Variants in MUC3A observed in about 807,000 individuals in gnomAD.
MUC3A encodes the protein mucin 3A, cell surface associated, also known as mucin-3A.
MUC3A carries 109 observed loss-of-function variants against 109.0 expected under a neutral mutation model. That is an observed-to-expected ratio of 1.00 (90% CI 0.86 to 1.17). MUC3A has a LOEUF of 1.17. MUC3A is among the 50% of genes most tolerant of loss of function. The probability of loss-of-function intolerance (pLI) is 0.00; values close to 1 mark genes in which losing one functional copy is unlikely to be tolerated. For synonymous variants in MUC3A, 1,398 were observed against 981.4 expected (o/e 1.42, Z -7.93); for missense variants, 3,537 against 2,469.4 (o/e 1.43, Z -9.16).
Position 100,954,379 on chromosome 7 carries a change from A to G in MUC3A, c.2600A>G (p.Gln867Arg). Residue 867 changes from glutamine to arginine, a missense_variant, in exon 2 of 12, where the codon CAG becomes CGG. By Grantham distance (43) the Gln-to-Arg change is conservative. Transcript: ENST00000379458. ...GTCATTCCCTCATCTCCCACTGTCC[A>G]GAATACAGAAATCTCAATCTCTGTT... The part of the protein sequence containing the change: ...TTVIPSSPTV[Q>R]NTEISISVSM... 2.5e-6 allele frequency: 1 copy of G among 402,090 alleles called. No homozygotes were observed. Among genetic ancestry groups the G allele is most frequent in the Non-Finnish European group, 4.4e-6 (1 of 228,622 alleles). 24.9% of individuals were successfully genotyped at this position (402,090 alleles called of 1,614,324 possible).
chr7:100,965,517 A>AG, intron 7 of MUC3A, 170 bp downstream of exon 7: 12 of 1,412,652 alleles, frequency 8.5e-6, no homozygotes, highest in Non-Finnish European at 1.1e-5. Context: ...TGAGGACAGC[A>AG]GGGGCCACGA....
rs1792142891 is a variant in MUC3A, at chr7:100,957,831, A to G, written c.6052A>G (p.Thr2018Ala). ...SFTSSITTTE[T>A]TSHNTPSLTS... ...CACTTCTTCCATCACCACCACTGAG[A>G]CCACATCCCACAATACTCCCAGCTT... Residue 2018 changes from threonine to alanine, a missense_variant, in exon 2 of 12, where the codon ACC becomes GCC. Physicochemically the swap from Thr to Ala is moderately conservative, Grantham distance 58. Coordinates refer to ENST00000379458, the MANE Select transcript of MUC3A (RefSeq NM_005960.2). The G allele has an allele frequency of 1.3e-6, 1 of 794,156 alleles. No individual in the cohort carries two copies. Among genetic ancestry groups the G allele is most frequent in the Non-Finnish European group, 2.2e-6 (1 of 462,412 alleles). The allele number at this position is 794,156 out of a possible 1,614,324, so 49.2% of individuals were successfully genotyped here.
chr7:100,956,982 A>G lies in MUC3A; in HGVS notation c.5203A>G (p.Thr1735Ala). 2.3e-6 allele frequency: 1 copy of G among 433,890 alleles called. No homozygotes were observed. Among genetic ancestry groups the G allele is most frequent in the Non-Finnish European group, 4.0e-6 (1 of 247,828 alleles). 26.9% of individuals were successfully genotyped at this position (433,890 alleles called of 1,614,324 possible). A position where few individuals can be genotyped will look rare whatever the true frequency, so the allele number is the denominator to read the frequency against. Residue 1735 changes from threonine to alanine, a missense_variant, in exon 2 of 12, where the codon ACA becomes GCA. By Grantham distance (58) the Thr-to-Ala change is moderately conservative. Transcript: ENST00000379458. ...GACTACATTCACCAGTTCAACAGCC[A>G]CATCCCCTAAGACCACCACACTGAC... ...GQTTFTSSTA[T>A]SPKTTTLTPT...
chr7:100,963,124 G>T, intron 3 of MUC3A, 27 bp from the exon 4 acceptor site: 1 of 1,594,320 alleles, frequency 6.3e-7, no homozygotes, highest in Non-Finnish European at 8.5e-7. Context: ...ACAGAGAAGT[G>T]ACTGGGGACA....
Position 100,960,484 on chromosome 7 carries a change from T to A in MUC3A, c.8705T>A (p.Ile2902Asn). The A allele has an allele frequency of 6.3e-7, 1 of 1,598,660 alleles. No homozygotes were observed. The highest frequency in any genetic ancestry group is 8.5e-7 in the Non-Finnish European group (1 of 1,179,818). Residue 2902 changes from isoleucine (I) to asparagine (N), a missense_variant, in exon 2 of 12, where the codon ATC becomes AAC. Physicochemically the swap from Ile to Asn is moderately radical, Grantham distance 149. Coordinates refer to ENST00000379458, the MANE Select transcript of MUC3A (RefSeq NM_005960.2). ...TMKPSSSLPTILRTSSKSTHP... is the reference protein window; with the variant it reads ...TMKPSSSLPTNLRTSSKSTHP... ...AAACCAAGCAGTAGCCTCCCGACCA[T>A]CCTGAGGACTTCAAGCAAGTCAACA...
At position 100,964,852 on chromosome 7, in the gene MUC3A, A is replaced by T; in HGVS notation, c.9382+9A>T. 4 of 1,586,952 alleles carry T rather than the reference A, an allele frequency of 2.5e-6. No homozygotes were observed. The highest frequency in any genetic ancestry group is 1.1e-5 in the South Asian group (1 of 90,158). On this transcript the variant is annotated intron_variant, in intron 6 of 11. Transcript: ENST00000379458. ...CTGCCAGGACTCCCAGAGTGAGCCC[A>T]GGCTGGAGGGAGGGGCCAGGGCCTG...
Position 100,959,626 on chromosome 7 carries a change from C to T in MUC3A, c.7847C>T (p.Pro2616Leu), listed in dbSNP as rs1030660720. The change falls in exon 2 of 12, where the codon CCA (proline) becomes CTA (leucine). Residue 2616 changes from proline (P) to leucine (L), a missense_variant. Pro to Leu is a moderately conservative substitution (Grantham distance 98). Transcript: ENST00000379458. ...ACGTCCACTCTTCATACTCTTACTC[C>T]ATCAACAGCCTTGAGCACGATCGTG... Reference protein sequence around the residue: ...SSTSTLHTLTPSTALSTIVST... With the variant: ...SSTSTLHTLTLSTALSTIVST... The T allele has an allele frequency of 5.0e-6, 8 of 1,598,338 alleles. No homozygotes were observed. The highest frequency in any genetic ancestry group is 6.8e-6 in the Non-Finnish European group (8 of 1,179,746).
intron 4 of MUC3A, 128 bp from the exon 5 acceptor site, chr7:100,963,560 C>T (rs927887488): frequency 4.4e-5 from 63 of 1,418,112 alleles, no homozygotes; most frequent in Non-Finnish European, 5.8e-5. Flanking sequence ...GTTGGGATTA[C>T]AGGCGTGAGC....
rs1792560061 is a variant in MUC3A, at chr7:100,966,404, G to A, written c.9630G>A (p.Thr3210=). ...CCCGCAGCTGCTACTCCACCGACAC[G>A]CACTGGTTCTCTGGCCCGCGCTGCG... ...GPTCRCYSTD[T]HWFSGPRCEV... is the part of the protein sequence containing the mutation. The change falls in exon 9 of 12, where the codon ACG becomes ACA. Residue 3210 remains threonine (T), a synonymous_variant. Transcript: ENST00000379458. The A allele has an allele frequency of 7.4e-7, 1 of 1,346,658 alleles. No homozygotes were observed. The highest frequency in any genetic ancestry group is 2.8e-5 in the East Asian group (1 of 36,232). The allele number at this position is 1,346,658 out of a possible 1,614,324, so 83.4% of individuals were successfully genotyped here.
rs1792420158 is a variant in MUC3A, at chr7:100,963,703, G to A, written c.9184G>A (p.Ala3062Thr). Reference sequence around the variant, plus strand: ...GGTGTTTCAGATGCAGAAGATTTTTGCAGACATGCAGGGCTTCACCTTCAA... The same window carrying A: ...GGTGTTTCAGATGCAGAAGATTTTTACAGACATGCAGGGCTTCACCTTCAA... ...TFWNQMQKIF[A>T]DMQGFTFKGV... The change falls in exon 5 of 12, where the codon GCA becomes ACA. Residue 3062 changes from alanine to threonine, a missense_variant. Transcript: ENST00000379458. 6.3e-7 allele frequency: 1 copy of A among 1,598,394 alleles called. No individual in the cohort carries two copies. Among genetic ancestry groups the A allele is most frequent in the Non-Finnish European group, 8.5e-7 (1 of 1,179,810 alleles).
At chr7:100,964,451 T>G in intron 5 of MUC3A, 1 of 578,290 alleles carries the variant, frequency 1.7e-6, no homozygotes, top group Non-Finnish European at 2.8e-6. Flanking sequence ...CAGCAAGACT[T>G]TGTCTCTATA....
Position 100,957,121 on chromosome 7 carries a change from C to G in MUC3A, c.5342C>G (p.Pro1781Arg). 1 of 462,462 alleles carries G rather than the reference C, an allele frequency of 2.2e-6. No individual in the cohort carries two copies. The highest frequency in any genetic ancestry group is 3.8e-6 in the Non-Finnish European group (1 of 263,958). The allele number at this position is 462,462 out of a possible 1,614,324, so 28.6% of individuals were successfully genotyped here. A position where few individuals can be genotyped will look rare whatever the true frequency, so the allele number is the denominator to read the frequency against. Residue 1781 changes from proline to arginine, a missense_variant, in exon 2 of 12, where the codon CCT (proline) becomes CGT (arginine). Transcript: ENST00000379458. ...GTGACTTCGATGACAACTACCACCC[C>G]TCTAGGGCCCACAGCCACTAATACG... ...YTVTSMTTTT[P>R]LGPTATNTLP...
chr7:100,963,416 G>C, intron 4 of MUC3A, 150 bp downstream of exon 4: 1 of 884,898 alleles, frequency 1.1e-6, no homozygotes, highest in Non-Finnish European at 1.7e-6. Context: ...CTCCCAAGTA[G>C]CTGGGATTAC....
At chr7:100,966,049 T>TCGCCCTAAAGTGTAGTCCCGCCTCC in intron 8 of MUC3A, 183 bp downstream of exon 8, 1 of 855,048 alleles carries the variant, frequency 1.2e-6, no homozygotes, top group Non-Finnish European at 1.7e-6. Context: ...GCTCTGCTCC[T>TCGCCCTAAAGTGTAGTCCCGCCTCC]TTGATGGGGT....
rs1792094941 is a variant in MUC3A, at chr7:100,956,339, C to A, written c.4560C>A (p.Thr1520=). ...CCACAAACTTGGTAACCACCACCAC[C>A]AAGACCACCTCACATAGTACCACCA... is the stretch of plus-strand genomic sequence containing the variant. ...TPTTNLVTTT[T]KTTSHSTTSF... The change falls in exon 2 of 12, where the codon ACC becomes ACA. Residue 1520 remains threonine, a synonymous_variant. Coordinates refer to ENST00000379458, the MANE Select transcript of MUC3A (RefSeq NM_005960.2). 9 of 625,888 alleles carry A rather than the reference C, an allele frequency of 1.4e-5. No individual in the cohort carries two copies. Among genetic ancestry groups the A allele is most frequent in the Non-Finnish European group, 5.7e-6 (2 of 352,500 alleles). 38.8% of individuals were successfully genotyped at this position (625,888 alleles called of 1,614,324 possible).
Position 100,959,966 on chromosome 7 carries a change from C to G in MUC3A, c.8187C>G (p.Gly2729=), listed in dbSNP as rs752789942. 6.6e-7 allele frequency: 1 copy of G among 1,507,560 alleles called. No individual in the cohort carries two copies. The highest frequency in any genetic ancestry group is 8.8e-7 in the Non-Finnish European group (1 of 1,139,232). The allele number at this position is 1,507,560 out of a possible 1,614,324, so 93.4% of individuals were successfully genotyped here. A position where few individuals can be genotyped will look rare whatever the true frequency, so the allele number is the denominator to read the frequency against. The stretch of plus-strand genomic sequence containing the variant: ...ATGTGGGCTCCGCTTCTATCACAGG[C>G]TTTCCTAGTCTCTCTTCCTCTGCAA... The part of the protein sequence containing the change: ...TENVGSASIT[G]FPSLSSSATT... Residue 2729 remains glycine (G), a synonymous_variant, in exon 2 of 12, where the codon GGC becomes GGG. Transcript: ENST00000379458.
Position 100,957,282 on chromosome 7 carries a change from C to T in MUC3A, c.5503C>T (p.Pro1835Ser), listed in dbSNP as rs1157840150. Residue 1835 changes from proline (P) to serine (S), a missense_variant, in exon 2 of 12, where the codon CCT becomes TCT. By Grantham distance (74) the Pro-to-Ser change is moderately conservative (BLOSUM62 -1). Coordinates refer to ENST00000379458, the MANE Select transcript of MUC3A (RefSeq NM_005960.2). ...TFSNSDTSSTPTSETTYPTSL... is the reference protein window; with the variant it reads ...TFSNSDTSSTSTSETTYPTSL... ...CTCCAATTCCGACACCAGTTCTACA[C>T]CTACATCTGAGACCACCTACCCTAC... 3.6e-6 allele frequency: 2 copies of T among 561,028 alleles called. No individual in the cohort carries two copies. Among genetic ancestry groups the T allele is most frequent in the South Asian group, 2.4e-5 (1 of 40,902 alleles). 34.8% of individuals were successfully genotyped at this position (561,028 alleles called of 1,614,324 possible). A position where few individuals can be genotyped will look rare whatever the true frequency, so the allele number is the denominator to read the frequency against.
chr7:100,959,438 G>GCA lies in MUC3A; in HGVS notation c.7659_7660insCA (p.Thr2554GlnfsTer32). ...CTCCCACCATGTCCACTGTGAGAAT[G>GCA]ACCCTCAGAATTACTGAGAACACCC... On this transcript the variant is annotated frameshift_variant, in exon 2 of 12. Transcript: ENST00000379458. LOFTEE classifies it high-confidence loss of function. The GCA allele has an allele frequency of 6.5e-7, 1 of 1,545,238 alleles. No homozygotes were observed. Among genetic ancestry groups the GCA allele is most frequent in the Non-Finnish European group, 8.6e-7 (1 of 1,157,756 alleles).
rs1792422234 is a variant in MUC3A at position 100,963,753 on chromosome 7, GT to G, written c.9233+2del. On this transcript the variant is annotated splice_donor_variant, in intron 5 of 11. Coordinates refer to ENST00000379458, the MANE Select transcript of MUC3A (RefSeq NM_005960.2). LOFTEE classifies it high-confidence loss of function. ...AGGGTGTGGAGATCCTGTCCCTGAGGTAGGAGACCCATCTGGGGATGCGGAG... is the reference window on the plus strand; with the variant it reads ...AGGGTGTGGAGATCCTGTCCCTGAGGAGGAGACCCATCTGGGGATGCGGAG... The G allele has an allele frequency of 6.3e-7, 1 of 1,598,578 alleles. No individual in the cohort carries two copies. The highest frequency in any genetic ancestry group is 1.7e-5 in the Admixed American group (1 of 60,032).
Sources: gnomAD v4.1 joint callset for allele counts on GRCh38, gnomAD v4.1.1 for gene constraint, MANE v1.5 for transcripts, NCBI Gene and HGNC (gene_info 2026-07-23, HGNC 2026-07-21) for gene names.